The following MAP2 variants were observed in gnomAD, a reference collection of about 807,000 sequenced individuals.
MAP2 encodes the protein microtubule associated protein 2.
A neutral mutation model predicts 137.6 loss-of-function variants in MAP2; 14 were observed. That is an observed-to-expected ratio of 0.10 (90% CI 0.07 to 0.16). MAP2 has a LOEUF of 0.16. Ranked by LOEUF, MAP2 falls within the 10% of genes least tolerant of loss-of-function variation. The probability of loss-of-function intolerance (pLI) is 1.00; values close to 1 mark genes in which losing one functional copy is unlikely to be tolerated. For synonymous variants in MAP2, 786 were observed against 782.3 expected (o/e 1.00, Z -0.08); for missense variants, 2,088 against 2,191.5 (o/e 0.95, Z 0.94).
chr2:209,555,282 TAC>T (rs1268766019), intron 2 of MAP2, among the ~76,000 whole-genome samples: 2 of 152,346 alleles, frequency 1.3e-5, no homozygotes, highest in African/African-American at 4.8e-5. Flanking sequence ...AAGGATTTAT[TAC>T]ACTTAAAAAA....
rs766551576 is a variant in MAP2, at chr2:209,696,505, T to C, written c.4181-37T>C. 2.7e-6 allele frequency: 4 copies of C among 1,498,340 alleles called. No individual in the cohort carries two copies. The Admixed American group carries it at 7.7e-5, about 29-fold the overall frequency. The allele number at this position is 1,498,340 out of a possible 1,614,324, so 92.8% of individuals were successfully genotyped here. On this transcript the variant is annotated intron_variant, in intron 8 of 15. Coordinates refer to ENST00000682079, the MANE Select transcript of MAP2 (RefSeq NM_001375505.1). ...GTACACTTGTTACTAATGTTTTCAC[T>C]GTTGTTGTTGTTGTCATGATTTGCT...
chr2:209,562,589 C>T lies in MAP2; in HGVS notation c.-171-17447C>T, dbSNP rs533236297. Among the ~76,000 whole-genome samples, 62 of 151,896 alleles carry T rather than the reference C, an allele frequency of 4.1e-4. No homozygotes were observed. In the Middle Eastern group the frequency reaches 0.01, roughly 25 times the overall value. On this transcript the variant is annotated intron_variant, in intron 2 of 15. Coordinates refer to ENST00000682079, the MANE Select transcript of MAP2 (RefSeq NM_001375505.1). ...ATGTGCACCTGTAGTCCCAGCTACT[C>T]GGGAGGCTGAGGCAGGAGAGTCACT...
At position 209,694,154 on chromosome 2, in the gene MAP2, A is replaced by G. The variant is rs1246804981; in HGVS notation, c.1984A>G (p.Ile662Val). 3 of 1,614,100 alleles carry G rather than the reference A, an allele frequency of 1.9e-6. No individual in the cohort carries two copies. The highest frequency in any genetic ancestry group is 2.2e-5 in the East Asian group (1 of 44,874). ...PSSPQERMFT[I>V]DPKVYGEKRD... ...TTCTCCTCAAGAAAGAATGTTCACT[A>G]TTGATCCAAAAGTGTATGGAGAGAA... Residue 662 changes from isoleucine to valine, a missense_variant, in exon 8 of 16, where the codon ATT (isoleucine) becomes GTT (valine). Physicochemically the swap from Ile to Val is conservative, Grantham distance 29. Coordinates refer to ENST00000682079, the MANE Select transcript of MAP2 (RefSeq NM_001375505.1).
intron 4 of MAP2, among the ~76,000 whole-genome samples, chr2:209,629,980 T>A (rs1263205531): frequency 6.6e-6 from 1 of 152,106 alleles, no homozygotes; most frequent in East Asian, 1.9e-4. Context: ...ATTAGGAGGG[T>A]GCTGTTATTA....
At chr2:209,645,154 G>A (rs2094332634) in intron 4 of MAP2, among the ~76,000 whole-genome samples, 1 of 152,144 alleles carries the variant, frequency 6.6e-6, no homozygotes, top group South Asian at 2.1e-4. Flanking sequence ...AAAACAAAAT[G>A]CAGGAAACAT....
In MAP2 at chr2:209,695,387, G is replaced by C. The variant is rs2059930431; in HGVS notation, c.3217G>C (p.Glu1073Gln). ...TAGAAGGGCAACAGAGCTAAAACTTGAGGCTACACAGGACATGACCCCCTC... is the reference window on the plus strand; with the variant it reads ...TAGAAGGGCAACAGAGCTAAAACTTCAGGCTACACAGGACATGACCCCCTC... ...DDRRATELKLEATQDMTPSSK... is the reference protein window; with the variant it reads ...DDRRATELKLQATQDMTPSSK... The change falls in exon 8 of 16, where the codon GAG becomes CAG. Residue 1073 changes from glutamate (E) to glutamine (Q), a missense_variant. By Grantham distance (29) the Glu-to-Gln change is conservative. Transcript: ENST00000682079. 1 of 1,613,252 alleles carries C rather than the reference G, an allele frequency of 6.2e-7. No homozygotes were observed. Among genetic ancestry groups the C allele is most frequent in the South Asian group, 1.1e-5 (1 of 90,888 alleles).
At chr2:209,453,243 C>G (rs1700706537) in intron 1 of MAP2, among the ~76,000 whole-genome samples, 1 of 151,938 alleles carries the variant, frequency 6.6e-6, no homozygotes, top group Non-Finnish European at 1.5e-5. Context: ...CCTGGATATT[C>G]TCTGCTTTAA....
intron 4 of MAP2, among the ~76,000 whole-genome samples, chr2:209,649,740 A>G (rs904907920): frequency 2.7e-4 from 41 of 152,220 alleles, no homozygotes; most frequent in Admixed American, 2.4e-3. Context: ...TTAAAAAGCA[A>G]TACCTGAGTA....
intron 1 of MAP2, among the ~76,000 whole-genome samples, chr2:209,446,419 C>G (rs1000023771): frequency 2.6e-5 from 4 of 151,740 alleles, no homozygotes; most frequent in Admixed American, 6.6e-5. Context: ...ACCCTCCAAA[C>G]CCCGACATCA....
chr2:209,681,224 C>T (rs1351800656), intron 7 of MAP2, among the ~76,000 whole-genome samples: 1 of 152,186 alleles, frequency 6.6e-6, no homozygotes, highest in Non-Finnish European at 1.5e-5. Context: ...ATGAAATCAA[C>T]ACTTCCTTAT....
chr2:209,465,660 A>G (rs1422537077), intron 1 of MAP2, among the ~76,000 whole-genome samples: 1 of 152,102 alleles, frequency 6.6e-6, no homozygotes, highest in Non-Finnish European at 1.5e-5. Context: ...ACCACTTGGC[A>G]TTTAACTTAT....
At chr2:209,461,446 C>T (rs866489974) in intron 1 of MAP2, among the ~76,000 whole-genome samples, 2 of 151,868 alleles carry the variant, frequency 1.3e-5, no homozygotes, top group Admixed American at 1.3e-4. Context: ...GTTTAAAATT[C>T]GTAGTTTAAT....
In MAP2 at chr2:209,570,820, C is replaced by T. The variant is rs544201105; in HGVS notation, c.-171-9216C>T. Among the ~76,000 whole-genome samples, 86 of 151,954 alleles carry T rather than the reference C, an allele frequency of 5.7e-4. 3 individuals carry two copies. In the Middle Eastern group the frequency reaches 0.014, roughly 24 times the overall value. On this transcript the variant is annotated intron_variant, in intron 2 of 15. Transcript: ENST00000682079. ...GATTCCTGAAATAAACTTACGATTA[C>T]GATAGGCCTCAATGGGTAATGGATT...
intron 1 of MAP2, among the ~76,000 whole-genome samples, chr2:209,492,828 A>G (rs1018984041): frequency 7.9e-5 from 12 of 152,218 alleles, no homozygotes; most frequent in Non-Finnish European, 1.8e-4. Context: ...GCTGATGGAT[A>G]GGAAGAAACA....
chr2:209,486,389 A>T (rs150359657), intron 1 of MAP2, among the ~76,000 whole-genome samples: 1 of 152,056 alleles, frequency 6.6e-6, no homozygotes, highest in Non-Finnish European at 1.5e-5. Flanking sequence ...ATGCCCAGCT[A>T]GTTTTTTGTA....
At chr2:209,471,344 T>C (rs1705661674) in intron 1 of MAP2, among the ~76,000 whole-genome samples, 1 of 152,174 alleles carries the variant, frequency 6.6e-6, no homozygotes, top group Non-Finnish European at 1.5e-5. Flanking sequence ...CTGTCTTCTC[T>C]ACTAGATTGT....
At chr2:209,546,540 C>T (rs1344293343) in intron 2 of MAP2, among the ~76,000 whole-genome samples, 1 of 152,178 alleles carries the variant, frequency 6.6e-6, no homozygotes, top group African/African-American at 2.4e-5. Context: ...TAGGATTTTT[C>T]ATCTCTTTGA....
At chr2:209,495,104 G>A (rs75739569) in intron 1 of MAP2, among the ~76,000 whole-genome samples, 3,250 of 152,316 alleles carry the variant, frequency 0.021, 127 homozygotes, top group African/African-American at 0.074. Context: ...GCACAGTGCC[G>A]TAAGCTGCTG....
At chr2:209,635,224 ACTT>A (rs1559454166) in intron 4 of MAP2, among the ~76,000 whole-genome samples, 1 of 152,174 alleles carries the variant, frequency 6.6e-6, no homozygotes, top group Non-Finnish European at 1.5e-5. Context: ...TTCTTCAGTA[ACTT>A]CTTATTAAAG....
Sources: gnomAD v4.1 joint callset for allele counts (sites outside exome capture counted in the v4.1 genomes callset) on GRCh38, gnomAD v4.1.1 for gene constraint, MANE v1.5 for transcripts, NCBI Gene and HGNC (gene_info 2026-07-23, HGNC 2026-07-21) for gene names.